Variants in PIR observed in about 807,000 individuals in gnomAD.
PIR encodes the protein pirin (iron-binding nuclear protein).
In PIR, 22 loss-of-function variants were observed where a neutral mutation model predicts 24.2. That is an observed-to-expected ratio of 0.91 (90% confidence interval 0.65 to 1.30). The LOEUF (loss-of-function observed/expected upper bound fraction) is 1.30. Among genes scored for constraint, PIR ranks in the 50% most tolerant of loss-of-function variants. The pLI is 0.00. For synonymous variants in PIR, 80 were observed against 79.6 expected, an observed-to-expected ratio of 1.00 and a Z score of -0.03; for missense variants, 220 against 220.3, an observed-to-expected ratio of 1.00 and a Z score of 0.01.
intron 8 of PIR, among the ~76,000 whole-genome samples, chrX:15,394,642 A>G (rs1363439824): frequency 8.9e-6 from 1 of 111,737 alleles, no homozygotes; most frequent in Admixed American, 9.5e-5. Flanking sequence ...GCCATCAGGG[A>G]AACCATCATC....
intron 6 of PIR, among the ~76,000 whole-genome samples, chrX:15,425,662 G>C (rs895885153): frequency 9.0e-6 from 1 of 111,261 alleles, no homozygotes; most frequent in Non-Finnish European, 1.9e-5. Context: ...CACCCGCCTC[G>C]ACTTCCCAAA....
At chrX:15,395,200 G>A (rs762634906) in intron 8 of PIR, among the ~76,000 whole-genome samples, 2 of 111,833 alleles carry the variant, frequency 1.8e-5, no homozygotes, top group African/African-American at 6.5e-5. Context: ...TCTTCTACCT[G>A]TAGAAACTGT....
chrX:15,407,142 C>G (rs1924574784), intron 7 of PIR, among the ~76,000 whole-genome samples: 1 of 112,477 alleles, frequency 8.9e-6, no homozygotes, highest in Admixed American at 9.4e-5. Context: ...CCTTCCATTT[C>G]CTTCTCCCAG....
rs780078643 is a variant in PIR, at chrX:15,459,721, C to G, written c.209G>C (p.Gly70Ala). Residue 70 changes from glycine to alanine, a missense_variant, in exon 4 of 10, where the codon GGG becomes GCG. Physicochemically the swap from Gly to Ala is moderately conservative, Grantham distance 60. Transcript: ENST00000380420. ...GAAGTCTTCATGGGCCATGCTGCCC[C>G]CTTCCAGGAGGTAGGATACCTTTGA... ...GFETVSYLLE[G>A]GSMAHEDFCG... 8 of 1,180,655 alleles carry G rather than the reference C, an allele frequency of 6.8e-6. No individual in the cohort carries two copies. The highest frequency in any genetic ancestry group is 2.2e-5 in the Admixed American group (1 of 45,603).
chrX:15,491,138 G>A (rs375910296), intron 2 of PIR, 24 bp downstream of exon 2: 53 of 1,064,799 alleles, frequency 5.0e-5, no homozygotes, highest in Non-Finnish European at 6.8e-5. Context: ...AAGAAAACAA[G>A]GAGCAGCCAC....
intron 3 of PIR, among the ~76,000 whole-genome samples, chrX:15,463,037 C>T (rs1242395963): frequency 8.9e-6 from 1 of 111,791 alleles, no homozygotes; most frequent in East Asian, 2.8e-4. Flanking sequence ...CCTCCTCTCT[C>T]CCTCCTCTTG....
intron 5 of PIR, among the ~76,000 whole-genome samples, chrX:15,449,421 T>C (rs1243666220): frequency 8.9e-6 from 1 of 111,964 alleles, no homozygotes; most frequent in Non-Finnish European, 1.9e-5. Flanking sequence ...AGGGTGATTG[T>C]GAATTTCTTA....
At chrX:15,431,933 A>AT (rs1925521739) in intron 5 of PIR, among the ~76,000 whole-genome samples, 2 of 110,038 alleles carry the variant, frequency 1.8e-5, no homozygotes, top group African/African-American at 3.3e-5. Context: ...TGATCATCTT[A>AT]TTTTTTTTCA....
Position 15,469,838 on chromosome X carries a change from G to A in PIR, c.189+9891C>T, listed in dbSNP as rs767993004. On this transcript the variant is annotated intron_variant, in intron 3 of 9. Coordinates refer to ENST00000380420, the MANE Select transcript of PIR (RefSeq NM_001018109.3). Reference sequence around the variant, plus strand: ...AACCCATTTCCTCATTATACTGGAAGTTCAGAGGACAAGTGAGAGCACTAT... The same window carrying A: ...AACCCATTTCCTCATTATACTGGAAATTCAGAGGACAAGTGAGAGCACTAT... 2.7e-5 allele frequency among the ~76,000 whole-genome samples: 3 copies of A among 111,449 alleles called. No homozygotes were observed. The South Asian group carries it at 1.1e-3, about 42-fold the overall frequency.
At chrX:15,463,172 T>C (rs1921385176) in intron 3 of PIR, among the ~76,000 whole-genome samples, 1 of 110,260 alleles carries the variant, frequency 9.1e-6, no homozygotes, top group African/African-American at 3.3e-5. Flanking sequence ...AAGTCTGCCT[T>C]ATTTTCAGGT....
At chrX:15,473,378 TA>T (rs937240933) in intron 3 of PIR, among the ~76,000 whole-genome samples, 2 of 110,853 alleles carry the variant, frequency 1.8e-5, no homozygotes, top group African/African-American at 6.6e-5. Flanking sequence ...TTGTGGAGGT[TA>T]AAAAAAACAA....
intron 6 of PIR, among the ~76,000 whole-genome samples, chrX:15,422,075 A>C (rs1925148460): frequency 9.0e-6 from 1 of 111,667 alleles, no homozygotes; most frequent in South Asian, 3.8e-4. Context: ...AGATGCTGAA[A>C]AAGCATTCAA....
At chrX:15,422,725 G>A (rs1314165486) in intron 6 of PIR, among the ~76,000 whole-genome samples, 1 of 111,725 alleles carries the variant, frequency 9.0e-6, no homozygotes, top group African/African-American at 3.3e-5. Flanking sequence ...TGGATTGGAA[G>A]AATTAATATC....
intron 6 of PIR, among the ~76,000 whole-genome samples, chrX:15,421,996 A>G (rs1016086959): frequency 2.7e-5 from 3 of 112,089 alleles, no homozygotes; most frequent in African/African-American, 9.7e-5. Flanking sequence ...AACATTCAAC[A>G]TACACAAATC....
chrX:15,480,818 C>T (rs1378661450), intron 2 of PIR, among the ~76,000 whole-genome samples: 1 of 112,527 alleles, frequency 8.9e-6, no homozygotes, highest in African/African-American at 3.2e-5. Context: ...GAGGACAAGT[C>T]CTAAATGAGT....
chrX:15,442,712 C>A (rs1380714610), intron 5 of PIR, among the ~76,000 whole-genome samples: 1 of 112,079 alleles, frequency 8.9e-6, no homozygotes, highest in Non-Finnish European at 1.9e-5. Flanking sequence ...GATCAAACTA[C>A]CCACAACATT....
intron 5 of PIR, among the ~76,000 whole-genome samples, chrX:15,445,651 C>T (rs1329282533): frequency 9.0e-6 from 1 of 110,536 alleles, no homozygotes; most frequent in African/African-American, 3.3e-5. Flanking sequence ...TTAATCAGTC[C>T]ATATTGTATT....
intron 8 of PIR, among the ~76,000 whole-genome samples, chrX:15,396,901 C>T (rs981973401): frequency 8.1e-5 from 9 of 111,248 alleles, no homozygotes; most frequent in African/African-American, 3.0e-4. Context: ...CCACCATGTC[C>T]GGCTAATTTT....
chrX:15,442,754 C>T (rs1925960755), intron 5 of PIR, among the ~76,000 whole-genome samples: 1 of 112,195 alleles, frequency 8.9e-6, no homozygotes, highest in Non-Finnish European at 1.9e-5. Context: ...CAGAGCAAGA[C>T]CTTAACTCTC....
Sources: gnomAD v4.1 joint callset for allele counts (sites outside exome capture counted in the v4.1 genomes callset) on GRCh38, gnomAD v4.1.1 for gene constraint, MANE v1.5 for transcripts, NCBI Gene and HGNC (gene_info 2026-07-23, HGNC 2026-07-21) for gene names.